WDPCP: variants seen among roughly 807,000 people sequenced by gnomAD.
The protein encoded by WDPCP is WD repeat containing planar cell polarity effector.
Under a neutral mutation model 93.1 loss-of-function variants are expected in WDPCP, and 71 were observed. That is an observed-to-expected ratio of 0.76 (90% CI 0.63 to 0.93). The LOEUF is 0.93. Among genes scored for constraint, WDPCP ranks in the 40% least tolerant of loss-of-function variants. WDPCP has a pLI of 0.00. For missense variants in WDPCP, 844 were observed against 887.4 expected, an observed-to-expected ratio of 0.95 and a Z score of 0.62; for synonymous variants, 315 against 315.0, an observed-to-expected ratio of 1.00 and a Z score of 0.00.
chr2:63,589,611 C>G (rs1371629015), upstream of WDPCP, among the ~76,000 whole-genome samples: 1 of 152,142 alleles, frequency 6.6e-6, no homozygotes, highest in African/African-American at 2.4e-5. Flanking sequence ...TTTGTAATGC[C>G]AGGATATATT....
intron 2 of WDPCP, among the ~76,000 whole-genome samples, chr2:63,698,118 G>A (rs566558432): frequency 5.9e-5 from 9 of 151,894 alleles, no homozygotes; most frequent in South Asian, 2.1e-4. Flanking sequence ...ACCATGCCTG[G>A]CTAATTTTTG....
At chr2:63,773,858 G>A (rs757200712) in intron 2 of WDPCP, among the ~76,000 whole-genome samples, 6 of 152,000 alleles carry the variant, frequency 3.9e-5, no homozygotes, top group Admixed American at 6.6e-5. Context: ...TGATAAAAAC[G>A]TTGAGTATTG....
At chr2:63,352,812 T>C (rs1689728284) in intron 12 of WDPCP, among the ~76,000 whole-genome samples, 1 of 152,204 alleles carries the variant, frequency 6.6e-6, no homozygotes, top group Non-Finnish European at 1.5e-5. Context: ...GCAAGCTCTG[T>C]GCCTTGGATG....
At chr2:63,171,006 A>G (rs1376999885) in intron 15 of WDPCP, among the ~76,000 whole-genome samples, 1 of 152,100 alleles carries the variant, frequency 6.6e-6, no homozygotes, top group Non-Finnish European at 1.5e-5. Flanking sequence ...TACTGGGGAA[A>G]CGTGTATTTC....
At chr2:63,504,233 G>A (rs1370645683) in intron 1 of WDPCP, among the ~76,000 whole-genome samples, 1 of 151,636 alleles carries the variant, frequency 6.6e-6, no homozygotes, top group African/African-American at 2.4e-5. Flanking sequence ...GAATAGAAAC[G>A]TGGGTAACAT....
chr2:63,127,657 A>G (rs1319203359), intron 17 of WDPCP, among the ~76,000 whole-genome samples: 1 of 98,142 alleles, frequency 1.0e-5, no homozygotes, highest in Non-Finnish European at 2.0e-5. Flanking sequence ...GTGTATGTGT[A>G]TGTGCATATA....
intron 10 of WDPCP, among the ~76,000 whole-genome samples, chr2:63,393,661 C>G (rs1693472216): frequency 6.6e-6 from 1 of 151,904 alleles, no homozygotes; most frequent in African/African-American, 2.4e-5. Context: ...TCACAACATA[C>G]CCAACTTCAA....
chr2:63,757,622 T>C (rs553505298), intron 2 of WDPCP, among the ~76,000 whole-genome samples: 1 of 152,318 alleles, frequency 6.6e-6, no homozygotes, highest in African/African-American at 2.4e-5. Flanking sequence ...AAAAGGCATG[T>C]AGCCATTAGA....
intron 9 of WDPCP, among the ~76,000 whole-genome samples, chr2:63,410,173 G>A (rs757691590): frequency 9.2e-5 from 14 of 152,194 alleles, no homozygotes; most frequent in South Asian, 2.1e-4. Flanking sequence ...AGATTTCTCA[G>A]CAGAAACCCT....
chr2:63,300,977 A>C (rs892588176), intron 13 of WDPCP, among the ~76,000 whole-genome samples: 3 of 151,996 alleles, frequency 2.0e-5, no homozygotes, highest in African/African-American at 7.3e-5. Flanking sequence ...TGGTCTGTAG[A>C]GCACATGGCA....
intron 15 of WDPCP, among the ~76,000 whole-genome samples, chr2:63,156,199 C>T (rs1363893663): frequency 6.6e-6 from 1 of 151,800 alleles, no homozygotes; most frequent in Non-Finnish European, 1.5e-5. Context: ...GACGGTGTTT[C>T]ACCATGTTGC....
At chr2:63,223,605 T>C (rs1028352405) in intron 14 of WDPCP, among the ~76,000 whole-genome samples, 2 of 152,124 alleles carry the variant, frequency 1.3e-5, no homozygotes, top group African/African-American at 4.8e-5. Context: ...TTGTGGCATA[T>C]GGTGGCAGGG....
chr2:63,610,378 C>T (rs756733248), intron 3 of WDPCP, among the ~76,000 whole-genome samples: 1 of 152,120 alleles, frequency 6.6e-6, no homozygotes, highest in African/African-American at 2.4e-5. Context: ...ATAGCCAGTG[C>T]AGCTTTATTT....
intron 1 of WDPCP, among the ~76,000 whole-genome samples, chr2:63,573,647 A>G (rs1469405446): frequency 6.6e-6 from 1 of 152,186 alleles, no homozygotes; most frequent in Non-Finnish European, 1.5e-5. Flanking sequence ...GTGTGTTTGA[A>G]CAATATGAAA....
At chr2:63,698,079 C>T (rs1668986574) in intron 2 of WDPCP, among the ~76,000 whole-genome samples, 1 of 151,880 alleles carries the variant, frequency 6.6e-6, no homozygotes, top group African/African-American at 2.4e-5. Flanking sequence ...CCTCAGCCTC[C>T]TGAGTAGCTG....
intron 1 of WDPCP, among the ~76,000 whole-genome samples, chr2:63,570,443 C>G (rs373680875): frequency 5.9e-5 from 9 of 152,174 alleles, no homozygotes; most frequent in East Asian, 3.9e-4. Context: ...CTTTCCTACT[C>G]TAGGCTGTTG....
chr2:63,203,270 G>T (rs1381795811), intron 14 of WDPCP, among the ~76,000 whole-genome samples: 1 of 152,074 alleles, frequency 6.6e-6, no homozygotes, highest in Non-Finnish European at 1.5e-5. Context: ...TTGTGGAAAT[G>T]GGGTATCCAT....
chr2:63,391,376 T>C (rs1051758370), intron 10 of WDPCP, among the ~76,000 whole-genome samples: 1 of 152,156 alleles, frequency 6.6e-6, no homozygotes, highest in Non-Finnish European at 1.5e-5. Flanking sequence ...AAACTAGGTA[T>C]TGATGGAATA....
chr2:63,707,679 T>C (rs1232444594), intron 2 of WDPCP, among the ~76,000 whole-genome samples: 1 of 152,244 alleles, frequency 6.6e-6, no homozygotes, highest in Non-Finnish European at 1.5e-5. Context: ...AGGAGCTGCG[T>C]TCCTTTGGAG....
Sources: allele counts gnomAD v4.1 joint callset (sites outside exome capture counted in the v4.1 genomes callset), GRCh38; gene constraint gnomAD v4.1.1; transcripts MANE v1.5; gene names NCBI Gene and HGNC (gene_info 2026-07-23, HGNC 2026-07-21).